CPS1: variants seen among roughly 807,000 people sequenced by gnomAD.
CPS1 encodes carbamoyl-phosphate synthase 1, also known as carbamoyl-phosphate synthase [ammonia], mitochondrial.
CPS1 carries 109 observed loss-of-function variants against 174.6 expected under a neutral mutation model. The ratio of observed to expected loss-of-function variants is 0.62; its 90% CI spans 0.53 to 0.73. CPS1 has a LOEUF of 0.73. Ranked by LOEUF, CPS1 falls within the 30% of genes least tolerant of loss-of-function variation. The pLI, the probability that CPS1 is intolerant of heterozygous loss-of-function variation, is 0.00. For synonymous variants in CPS1, 637 were observed against 632.0 expected (o/e 1.01, Z -0.12); for missense variants, 1,689 against 1,821.9 (o/e 0.93, Z 1.33).
intron 1 of CPS1, among the ~76,000 whole-genome samples, chr2:210,507,893 C>A (rs1025748086): frequency 7.3e-5 from 11 of 150,474 alleles, no homozygotes; most frequent in African/African-American, 2.7e-4. Context: ...CCTTAGAGAC[C>A]TACAAAGAGA....
intron 2 of CPS1, among the ~76,000 whole-genome samples, chr2:210,573,879 CTAGTA>C (rs1697599936): frequency 6.6e-6 from 1 of 151,964 alleles, no homozygotes; most frequent in Non-Finnish European, 1.5e-5. Flanking sequence ...ATTTTGCACT[CTAGTA>C]AGAAAGTTGA....
At chr2:210,598,611 C>T (rs11684318) in intron 13 of CPS1, among the ~76,000 whole-genome samples, 46,998 of 151,506 alleles carry the variant, frequency 0.31, 7,812 homozygotes, top group Middle Eastern at 0.4. Flanking sequence ...TAAAAACAGA[C>T]AAAGAAGGGC....
chr2:210,669,595 G>A (rs577530727), intron 34 of CPS1, among the ~76,000 whole-genome samples: 1 of 152,262 alleles, frequency 6.6e-6, no homozygotes, highest in Admixed American at 6.5e-5. Flanking sequence ...TCTGCAAAGA[G>A]TAACTTGGGA....
In CPS1 at chr2:210,637,777, T is replaced by G. The variant is rs1201613669; in HGVS notation, c.2763T>G (p.Leu921=). ...CAGATAAGCAGATTTCAAAATGCCT[T>G]GGGCTCACTGAGGCCCAGACAAGGG... ...GFSDKQISKC[L]GLTEAQTREL... is the part of the protein sequence containing the mutation. Residue 921 remains leucine (L), a synonymous_variant, in exon 22 of 38, where the codon CTT becomes CTG. Coordinates refer to ENST00000233072, the MANE Select transcript of CPS1 (RefSeq NM_001875.5). The G allele has an allele frequency of 6.2e-7, 1 of 1,614,032 alleles. No individual in the cohort carries two copies. The highest frequency in any genetic ancestry group is 1.7e-5 in the Admixed American group (1 of 60,006).
intron 30 of CPS1, chr2:210,658,362 GA>G: frequency 2.3e-6 from 1 of 442,270 alleles, no homozygotes; most frequent in Non-Finnish European, 4.2e-6. Context: ...ATTTGGCAGA[GA>G]GATAATCGTG....
At chr2:210,566,983 A>G (rs1203393094) in intron 1 of CPS1, among the ~76,000 whole-genome samples, 2 of 152,056 alleles carry the variant, frequency 1.3e-5, no homozygotes, top group Non-Finnish European at 2.9e-5. Flanking sequence ...TTCAAATCCA[A>G]ATTCTCAACT....
intron 31 of CPS1, among the ~76,000 whole-genome samples, chr2:210,659,984 C>G (rs1170098344): frequency 1.3e-5 from 2 of 152,076 alleles, no homozygotes; most frequent in African/African-American, 4.8e-5. Context: ...GATAGAACAT[C>G]ATCTGTAAAG....
intron 1 of CPS1, among the ~76,000 whole-genome samples, chr2:210,571,942 G>T (rs1245759697): frequency 6.7e-6 from 1 of 149,602 alleles, no homozygotes; most frequent in Non-Finnish European, 1.5e-5. Flanking sequence ...GGGGTGGCAA[G>T]ATTTAAAAGG....
rs1219763316 is a variant in CPS1 at position 210,512,764 on chromosome 2, ATATATATATATATATATATATG to A, written c.3+34999_3+35020del. Among the ~76,000 whole-genome samples the A allele has an allele frequency of 3.4e-3, 260 of 77,166 alleles. 7 individuals are homozygous for A. The highest frequency in any genetic ancestry group is 0.018 in the African/African-American group (247 of 13,788). The allele number at this position is 77,166 out of a possible 152,430, so 50.6% of individuals were successfully genotyped here. ...TATATATATATATATATATATATAT[ATATATATATATATATATATATG>A]GAGAGAGAGATATATATATATGGAG... On this transcript the variant is annotated intron_variant, in intron 1 of 38. Transcript: ENST00000430249.
chr2:210,542,117 T>A (rs1193265048), intron 1 of CPS1, among the ~76,000 whole-genome samples: 1 of 152,142 alleles, frequency 6.6e-6, no homozygotes, highest in Non-Finnish European at 1.5e-5. Context: ...ACCATTATAA[T>A]CATTCCTTTC....
At chr2:210,647,739 G>A in intron 25 of CPS1, 124 bp from the exon 26 acceptor site, 1 of 1,217,678 alleles carries the variant, frequency 8.2e-7, no homozygotes, top group Admixed American at 1.9e-5. Context: ...TTCATTGGTA[G>A]GAGAGATGTA....
At chr2:210,664,913 G>A (rs928865746) in intron 33 of CPS1, among the ~76,000 whole-genome samples, 1 of 152,122 alleles carries the variant, frequency 6.6e-6, no homozygotes. Context: ...GTGTCCAAAT[G>A]GCTTGTTGTA....
chr2:210,526,360 A>G (rs1289744614), intron 1 of CPS1, among the ~76,000 whole-genome samples: 1 of 148,398 alleles, frequency 6.7e-6, no homozygotes, highest in East Asian at 2.0e-4. Context: ...CTGTACATGT[A>G]TCCCAGACCT....
At chr2:210,494,756 A>G (rs1000908196) in intron 1 of CPS1, among the ~76,000 whole-genome samples, 2 of 152,218 alleles carry the variant, frequency 1.3e-5, no homozygotes, top group African/African-American at 4.8e-5. Context: ...TTTGTCTTAC[A>G]CTTCACTGAA....
intron 1 of CPS1, among the ~76,000 whole-genome samples, chr2:210,492,570 T>C (rs1002893355): frequency 2.0e-5 from 3 of 152,172 alleles, no homozygotes; most frequent in African/African-American, 7.2e-5. Flanking sequence ...ATACTTTTTT[T>C]TTTTTGCCTA....
intron 13 of CPS1, 89 bp from the exon 14 acceptor site, chr2:210,599,283 C>A: frequency 8.1e-7 from 1 of 1,235,056 alleles, no homozygotes; most frequent in Non-Finnish European, 1.2e-6. Context: ...AACCTAAAAG[C>A]TTAGTTACCC....
At chr2:210,481,748 G>A (rs550885768) in intron 1 of CPS1, among the ~76,000 whole-genome samples, 3 of 152,346 alleles carry the variant, frequency 2.0e-5, no homozygotes, top group East Asian at 3.9e-4. Context: ...TTTGCCTTGA[G>A]GGCAGGTGTA....
chr2:210,489,217 T>C (rs991735786), intron 1 of CPS1, among the ~76,000 whole-genome samples: 1 of 152,170 alleles, frequency 6.6e-6, no homozygotes, highest in African/African-American at 2.4e-5. Flanking sequence ...AGAATATATA[T>C]TGCAGAATTT....
chr2:210,621,846 G>C (rs181282160), intron 21 of CPS1, among the ~76,000 whole-genome samples: 2 of 151,958 alleles, frequency 1.3e-5, no homozygotes, highest in Admixed American at 1.3e-4. Context: ...GCCTTCCAAG[G>C]GTAAGATAAT....
Sources: gnomAD v4.1 joint callset for allele counts (sites outside exome capture counted in the v4.1 genomes callset) on GRCh38, gnomAD v4.1.1 for gene constraint, MANE v1.5 for transcripts, NCBI Gene and HGNC (gene_info 2026-07-23, HGNC 2026-07-21) for gene names.